Variants in PLEK2 observed in about 807,000 individuals in gnomAD.
PLEK2 encodes pleckstrin 2, also known as pleckstrin-2.
PLEK2 carries 29 observed loss-of-function variants against 43.8 expected under a neutral mutation model. That is an observed-to-expected ratio of 0.66 (90% CI 0.49 to 0.90). The LOEUF is 0.90. PLEK2 is among the 40% of genes least tolerant of loss of function. The pLI, the probability that PLEK2 is intolerant of heterozygous loss-of-function variation, is 0.00. For synonymous variants in PLEK2, 162 were observed against 173.2 expected, an observed-to-expected ratio of 0.94 and a Z score of 0.51; for missense variants, 398 against 448.1, an observed-to-expected ratio of 0.89 and a Z score of 1.01.
At chr14:67,407,799 T>C (rs776179535) in intron 1 of PLEK2, among the ~76,000 whole-genome samples, 13 of 152,120 alleles carry the variant, frequency 8.5e-5, no homozygotes, top group South Asian at 2.1e-4. Flanking sequence ...CCCAAGGCTC[T>C]ATAACCCTGA....
At chr14:67,399,540 TAAAG>T (rs1687915174) in intron 1 of PLEK2, among the ~76,000 whole-genome samples, 1 of 141,606 alleles carries the variant, frequency 7.1e-6, no homozygotes, top group African/African-American at 2.7e-5. Flanking sequence ...GTGGCAGAAA[TAAAG>T]AGAAGGGTAG....
At chr14:67,395,606 A>C (rs2086002531) in intron 2 of PLEK2, 23 bp from the exon 3 acceptor site, 1 of 1,611,102 alleles carries the variant, frequency 6.2e-7, no homozygotes, top group South Asian at 1.1e-5. Flanking sequence ...AGAGCCAGTC[A>C]GGCCAGCACT....
At chr14:67,407,311 TG>T (rs1397729562) in intron 1 of PLEK2, among the ~76,000 whole-genome samples, 2 of 151,876 alleles carry the variant, frequency 1.3e-5, no homozygotes, top group African/African-American at 4.8e-5. Flanking sequence ...TTAGTAGAGA[TG>T]GGGTTTCACT....
intron 1 of PLEK2, among the ~76,000 whole-genome samples, chr14:67,398,414 T>A (rs1426101597): frequency 6.6e-6 from 1 of 152,176 alleles, no homozygotes; most frequent in African/African-American, 2.4e-5. Context: ...AGGCTCTCCA[T>A]GTTCACCTGA....
chr14:67,395,936 C>G (rs1365773366), intron 2 of PLEK2, among the ~76,000 whole-genome samples: 1 of 152,154 alleles, frequency 6.6e-6, no homozygotes, highest in Non-Finnish European at 1.5e-5. Flanking sequence ...TCAGTCCCAT[C>G]TGAACACAAA....
At position 67,397,748 on chromosome 14, in the gene PLEK2, C is replaced by A. The variant is rs886600563; in HGVS notation, c.121G>T (p.Gly41Cys). 1 of 1,613,290 alleles carries A rather than the reference C, an allele frequency of 6.2e-7. No homozygotes were observed. Among genetic ancestry groups the A allele is most frequent in the Non-Finnish European group, 8.5e-7 (1 of 1,179,524 alleles). Residue 41 changes from glycine (G) to cysteine (C), a missense_variant, in exon 2 of 9, where the codon GGT (glycine) becomes TGT (cysteine). By Grantham distance (159) the Gly-to-Cys change is radical (BLOSUM62 -3). Coordinates refer to ENST00000216446, the MANE Select transcript of PLEK2 (RefSeq NM_016445.3). ...NTLVYYKLEG[G>C]RRVTPPKGRI... ...CCCTTGGGAGGGGTCACTCTCCGAC[C>A]CCCCTCAAGCTTGTAGTACACCAGC... is the stretch of plus-strand genomic sequence containing the variant.
intron 1 of PLEK2, among the ~76,000 whole-genome samples, chr14:67,410,528 G>A (rs2086109715): frequency 6.6e-6 from 1 of 152,194 alleles, no homozygotes; most frequent in Admixed American, 6.5e-5. Context: ...GTGGCGCTTT[G>A]TACTGCTCTA....
At chr14:67,389,059 A>T in intron 7 of PLEK2, among the ~76,000 whole-genome samples, 1 of 151,580 alleles carries the variant, frequency 6.6e-6, no homozygotes, top group East Asian at 1.9e-4. Context: ...CTAGCAAGAA[A>T]CTTCGTGTGA....
chr14:67,392,132 T>C (rs1004776068), intron 6 of PLEK2, among the ~76,000 whole-genome samples, 194 bp downstream of exon 6: 12 of 152,058 alleles, frequency 7.9e-5, no homozygotes, highest in Non-Finnish European at 1.5e-4. Context: ...CTGGTACACA[T>C]GTGTGTGTGA....
At chr14:67,406,859 T>C (rs1033963282) in intron 1 of PLEK2, among the ~76,000 whole-genome samples, 27 of 152,184 alleles carry the variant, frequency 1.8e-4, no homozygotes, top group African/African-American at 5.8e-4. Context: ...CACAATGGTA[T>C]GCTGAAGAAG....
At position 67,409,261 on chromosome 14, in the gene PLEK2, CAG is replaced by C. The variant is rs747368180; in HGVS notation, c.42+2755_42+2756del. ...CTCTCTAAACAAAATAAATAAGTAA[CAG>C]GGGGGTGTGGTGACTCACACCTCTA... On this transcript the variant is annotated intron_variant, in intron 1 of 8. Coordinates refer to ENST00000216446, the MANE Select transcript of PLEK2 (RefSeq NM_016445.3). Among the ~76,000 whole-genome samples, 3 of 150,364 alleles carry C rather than the reference CAG, an allele frequency of 2.0e-5. No individual in the cohort carries two copies. In the East Asian group the frequency reaches 5.9e-4, roughly 30 times the overall value.
chr14:67,392,531 T>C, intron 5 of PLEK2, 104 bp from the exon 6 acceptor site: 2 of 1,216,084 alleles, frequency 1.6e-6, no homozygotes, highest in Non-Finnish European at 2.4e-6. Flanking sequence ...AGGAACCTCA[T>C]TCTGCATCAG....
At chr14:67,409,525 C>T (rs996545940) in intron 1 of PLEK2, among the ~76,000 whole-genome samples, 2 of 152,322 alleles carry the variant, frequency 1.3e-5, no homozygotes, top group East Asian at 1.9e-4. Flanking sequence ...CCAGCAGGAA[C>T]GCCCGGCAGT....
chr14:67,398,193 T>C, intron 1 of PLEK2: 1 of 164,114 alleles, frequency 6.1e-6, no homozygotes, highest in East Asian at 1.7e-4. Context: ...AAATTAAGAT[T>C]ATTTTACATA....
At chr14:67,395,766 C>T (rs951439946) in intron 2 of PLEK2, among the ~76,000 whole-genome samples, 183 bp from the exon 3 acceptor site, 9 of 152,290 alleles carry the variant, frequency 5.9e-5, no homozygotes, top group African/African-American at 2.2e-4. Flanking sequence ...AGGAAGCTTG[C>T]GGCCTCACAC....
chr14:67,393,735 T>C (rs898062393), intron 3 of PLEK2, among the ~76,000 whole-genome samples: 3 of 152,134 alleles, frequency 2.0e-5, no homozygotes, highest in Admixed American at 6.5e-5. Context: ...ATTACAGGTG[T>C]GAGCCACCGT....
At chr14:67,388,703 G>A (rs12434519) in intron 7 of PLEK2, among the ~76,000 whole-genome samples, 28,146 of 151,696 alleles carry the variant, frequency 0.19, 2,990 homozygotes, top group Non-Finnish European at 0.24. Context: ...TTTTTGAGAC[G>A]GAGTCTCACT....
In PLEK2 at chr14:67,412,048, G is replaced by A. The variant is rs115017102; in HGVS notation, c.12C>T (p.Gly4=). 0.03 allele frequency: 46,053 copies of A among 1,553,314 alleles called. 791 individuals carry two copies. The highest frequency in any genetic ancestry group is 0.033 in the Non-Finnish European group (37,880 of 1,152,822). The change falls in exon 1 of 9, where the codon GGC becomes GGT. Residue 4 remains glycine, a synonymous_variant. Coordinates refer to ENST00000216446, the MANE Select transcript of PLEK2 (RefSeq NM_016445.3). ...TGACCAGGAAGCCCTCCTTGAGCACGCCGTCCTCCATGTCGCCGCCCGCAC... is the reference window on the plus strand; with the variant it reads ...TGACCAGGAAGCCCTCCTTGAGCACACCGTCCTCCATGTCGCCGCCCGCAC... MED[G]VLKEGFLVKR...
chr14:67,395,883 T>C (rs1175831822), intron 2 of PLEK2, among the ~76,000 whole-genome samples: 1 of 152,124 alleles, frequency 6.6e-6, no homozygotes, highest in Non-Finnish European at 1.5e-5. Context: ...TCACCTCCTA[T>C]GACAGCCCCT....
Sources: allele counts gnomAD v4.1 joint callset (sites outside exome capture counted in the v4.1 genomes callset), GRCh38; gene constraint gnomAD v4.1.1; transcripts MANE v1.5; gene names NCBI Gene and HGNC (gene_info 2026-07-23, HGNC 2026-07-21).